CDH1: variants seen among roughly 807,000 people sequenced by gnomAD.
CDH1 encodes the protein cadherin-1.
In CDH1, 35 loss-of-function variants were observed where a neutral mutation model predicts 84.5. That is an observed-to-expected ratio of 0.41 (90% CI 0.32 to 0.55). The LOEUF is 0.55. Ranked by LOEUF, CDH1 falls within the 20% of genes least tolerant of loss-of-function variation. CDH1 has a pLI of 0.19. For missense variants in CDH1, 994 were observed against 1,126.6 expected (o/e 0.88, Z 1.68); for synonymous variants, 417 against 439.0 (o/e 0.95, Z 0.63).
chr16:68,818,525 T>C (rs1445936911), intron 10 of CDH1, among the ~76,000 whole-genome samples: 1 of 147,618 alleles, frequency 6.8e-6, no homozygotes, highest in Admixed American at 6.8e-5. Context: ...GTTGGTTTTC[T>C]TGGTTTTCTT....
chr16:68,795,598 A>C (rs1004629373), intron 2 of CDH1, among the ~76,000 whole-genome samples: 1 of 151,646 alleles, frequency 6.6e-6, no homozygotes. Flanking sequence ...GTGTTCGAGC[A>C]ATTCTCCTGT....
intron 2 of CDH1, among the ~76,000 whole-genome samples, chr16:68,761,629 A>G (rs1490653169): frequency 2.0e-5 from 3 of 152,206 alleles, no homozygotes; most frequent in African/African-American, 7.2e-5. Flanking sequence ...TGTGTAGGAA[A>G]GATGAATCGG....
intron 2 of CDH1, among the ~76,000 whole-genome samples, chr16:68,739,565 C>T (rs1299089642): frequency 6.6e-6 from 1 of 150,378 alleles, no homozygotes; most frequent in African/African-American, 2.4e-5. Context: ...GTGCCTGGAC[C>T]AAAACATCTT....
At chr16:68,820,122 C>T (rs942465905) in intron 11 of CDH1, among the ~76,000 whole-genome samples, 1 of 151,912 alleles carries the variant, frequency 6.6e-6, no homozygotes, top group African/African-American at 2.4e-5. Context: ...TTGCTTGAGT[C>T]TGAAAGGTGG....
intron 2 of CDH1, among the ~76,000 whole-genome samples, chr16:68,743,268 A>G (rs1182554621): frequency 6.7e-6 from 1 of 149,210 alleles, no homozygotes; most frequent in Admixed American, 6.7e-5. Context: ...TCCCAATCCA[A>G]TCCTTGCTGG....
At chr16:68,753,270 A>G (rs1962934923) in intron 2 of CDH1, among the ~76,000 whole-genome samples, 1 of 151,836 alleles carries the variant, frequency 6.6e-6, no homozygotes, top group South Asian at 2.1e-4. Context: ...CAAGATAAAA[A>G]TCTCATGGCT....
chr16:68,819,212 T>C (rs2152136631), intron 10 of CDH1, 68 bp from the exon 11 acceptor site: 1 of 1,579,208 alleles, frequency 6.3e-7, no homozygotes, highest in African/African-American at 1.3e-5. Context: ...GAAGAAGCGC[T>C]TAAGCCGTTT....
chr16:68,779,976 C>T (rs1158739587), intron 2 of CDH1, among the ~76,000 whole-genome samples: 5 of 152,176 alleles, frequency 3.3e-5, no homozygotes. Context: ...CCTTACTTCT[C>T]CCAGAATAAA....
intron 13 of CDH1, among the ~76,000 whole-genome samples, chr16:68,823,983 T>C (rs1345440284): frequency 6.7e-6 from 1 of 148,156 alleles, no homozygotes; most frequent in Non-Finnish European, 1.5e-5. Flanking sequence ...GGCCACAGAT[T>C]CTGCATTTCT....
chr16:68,789,851 G>T (rs1291012692), intron 2 of CDH1, among the ~76,000 whole-genome samples: 1 of 152,144 alleles, frequency 6.6e-6, no homozygotes, highest in Non-Finnish European at 1.5e-5. Flanking sequence ...CATGATGTTG[G>T]GAGTTCGAGA....
At chr16:68,767,648 GTTGT>G (rs971196447) in intron 2 of CDH1, among the ~76,000 whole-genome samples, 3 of 152,148 alleles carry the variant, frequency 2.0e-5, no homozygotes, top group South Asian at 2.1e-4. Context: ...TGTTGTTATT[GTTGT>G]TTGTTTGTTT....
intron 13 of CDH1, among the ~76,000 whole-genome samples, chr16:68,826,750 GTA>G (rs2152140818): frequency 6.6e-6 from 1 of 152,280 alleles, no homozygotes; most frequent in East Asian, 1.9e-4. Flanking sequence ...TTTGGAAACG[GTA>G]AACTGCCTCT....
At chr16:68,806,582 A>T (rs1229673549) in intron 3 of CDH1, among the ~76,000 whole-genome samples, 1 of 152,194 alleles carries the variant, frequency 6.6e-6, no homozygotes, top group Admixed American at 6.5e-5. Flanking sequence ...AGCACTTACT[A>T]TGTTTCAGGC....
At chr16:68,817,460 G>C (rs939686283) in intron 10 of CDH1, among the ~76,000 whole-genome samples, 1 of 152,204 alleles carries the variant, frequency 6.6e-6, no homozygotes, top group East Asian at 1.9e-4. Context: ...ATTAGTTGCT[G>C]AACAAGATAT....
intron 2 of CDH1, among the ~76,000 whole-genome samples, chr16:68,796,019 C>T (rs1320611667): frequency 4.0e-5 from 6 of 151,490 alleles, no homozygotes; most frequent in Non-Finnish European, 7.4e-5. Flanking sequence ...AAAGATTAGC[C>T]GGGCGTGGTG....
chr16:68,809,212 G>A (rs1021317843), intron 5 of CDH1, among the ~76,000 whole-genome samples: 3 of 147,590 alleles, frequency 2.0e-5, no homozygotes, highest in African/African-American at 5.1e-5. Flanking sequence ...AAGAGCTTAG[G>A]AAAACCAAGA....
chr16:68,806,828 A>G (rs990293045), intron 3 of CDH1, among the ~76,000 whole-genome samples: 2 of 152,172 alleles, frequency 1.3e-5, no homozygotes, highest in Non-Finnish European at 2.9e-5. Flanking sequence ...GGAGACAAAC[A>G]CAGGATGTAG....
At chr16:68,819,572 C>A in intron 11 of CDH1, 147 bp downstream of exon 11, 1 of 928,362 alleles carries the variant, frequency 1.1e-6, no homozygotes, top group Non-Finnish European at 1.7e-6. Flanking sequence ...GTATGGAGTA[C>A]AAGGGTAATT....
At chr16:68,824,770 C>A (rs529613102) in intron 13 of CDH1, among the ~76,000 whole-genome samples, 14 of 152,290 alleles carry the variant, frequency 9.2e-5, no homozygotes, top group Non-Finnish European at 1.8e-4. Context: ...AAGGTAAATA[C>A]TTTTATCATT....
Sources: gnomAD v4.1 joint callset for allele counts (sites outside exome capture counted in the v4.1 genomes callset) on GRCh38, gnomAD v4.1.1 for gene constraint, MANE v1.5 for transcripts, NCBI Gene and HGNC (gene_info 2026-07-23, HGNC 2026-07-21) for gene names.